The following TBXAS1 variants were observed in gnomAD, a reference collection of about 807,000 sequenced individuals.
The protein encoded by TBXAS1 is thromboxane-A synthase.
TBXAS1 carries 48 observed loss-of-function variants against 60.7 expected under a neutral mutation model. The ratio of observed to expected loss-of-function variants is 0.79; its 90% CI spans 0.63 to 1.01. The LOEUF is 1.01. TBXAS1 is among the 50% of genes least tolerant of loss of function. The probability of loss-of-function intolerance (pLI) is 0.00; values close to 1 mark genes in which losing one functional copy is unlikely to be tolerated. For missense variants in TBXAS1, 685 were observed against 686.3 expected (o/e 1.00, Z 0.02); for synonymous variants, 287 against 269.7 (o/e 1.06, Z -0.63).
At chr7:139,969,964 A>AGTGGCAACGGGCT (rs1179753622) in intron 9 of TBXAS1, among the ~76,000 whole-genome samples, 11 of 152,212 alleles carry the variant, frequency 7.2e-5, no homozygotes, top group Admixed American at 7.2e-4. Context: ...GCGTGAGAAA[A>AGTGGCAACGGGCT]GTGGCAACGG....
chr7:139,905,009 T>C (rs937299112), intron 3 of TBXAS1, among the ~76,000 whole-genome samples: 6 of 63,944 alleles, frequency 9.4e-5, no homozygotes, highest in East Asian at 3.9e-4. Context: ...CTTTCTCTCT[T>C]TCTTTCTTTC....
At chr7:139,987,178 C>T (rs1812553372) in intron 9 of TBXAS1, among the ~76,000 whole-genome samples, 1 of 152,028 alleles carries the variant, frequency 6.6e-6, no homozygotes, top group African/African-American at 2.4e-5. Context: ...CCAGTGTCAT[C>T]GGCCTGGGCA....
chr7:139,804,812 C>G (rs2041334), intron 4 of TBXAS1, among the ~76,000 whole-genome samples: 102,344 of 151,806 alleles, frequency 0.67, 35,791 homozygotes, highest in East Asian at 0.95. Context: ...AGGCCTCCCA[C>G]CCATGTGAAA....
chr7:139,984,722 A>AAAAGAAAG (rs1208735667), intron 9 of TBXAS1, among the ~76,000 whole-genome samples: 1 of 149,086 alleles, frequency 6.7e-6, no homozygotes. Context: ...GGAAGGAAGG[A>AAAAGAAAG]AAAGAAAGAA....
chr7:139,973,448 C>A (rs1811352263), intron 9 of TBXAS1, among the ~76,000 whole-genome samples: 1 of 152,056 alleles, frequency 6.6e-6, no homozygotes, highest in Admixed American at 6.5e-5. Context: ...AGGGGCCTTT[C>A]CAAAATGTGT....
At chr7:139,876,206 TC>T (rs1210023211) in intron 3 of TBXAS1, among the ~76,000 whole-genome samples, 5 of 152,206 alleles carry the variant, frequency 3.3e-5, no homozygotes, top group Admixed American at 6.5e-5. Context: ...GGGCATATGG[TC>T]ACCCTAGTTC....
Position 139,852,756 on chromosome 7 carries a change from G to A in TBXAS1, c.90-19479G>A, listed in dbSNP as rs930427312. On this transcript the variant is annotated intron_variant, in intron 1 of 12. Coordinates refer to ENST00000448866, the MANE Select transcript of TBXAS1 (RefSeq NM_001061.7). This position sits in a 1 kb window ranked among gnomAD's most constrained non-coding sequence, Gnocchi z 4.4. ...TTGGTATTTCCCAGGCCTTTTGGAC[G>A]GGTCATAGTGCAATAGAAAGGTGGA... Among the ~76,000 whole-genome samples, 2 of 152,036 alleles carry A rather than the reference G, an allele frequency of 1.3e-5. No individual in the cohort carries two copies. Among genetic ancestry groups the A allele is most frequent in the African/African-American group, 2.4e-5 (1 of 41,390 alleles).
At chr7:139,984,946 A>AAAAGTAAAGAAAG (rs1554503470) in intron 9 of TBXAS1, among the ~76,000 whole-genome samples, 7 of 141,900 alleles carry the variant, frequency 4.9e-5, no homozygotes, top group African/African-American at 1.8e-4. Flanking sequence ...GAAAGAAAAG[A>AAAAGTAAAGAAAG]AAAGAAAGAA....
At chr7:140,011,209 G>A (rs953750187) in intron 10 of TBXAS1, among the ~76,000 whole-genome samples, 5 of 151,724 alleles carry the variant, frequency 3.3e-5, no homozygotes, top group African/African-American at 9.7e-5. Context: ...TCTGGGAGGC[G>A]GAGGTTGCAG....
In TBXAS1 at chr7:139,914,657, T is replaced by C. The variant is rs539643962; in HGVS notation, c.333+3336T>C. Among the ~76,000 whole-genome samples the C allele has an allele frequency of 2.6e-5, 4 of 152,306 alleles. 1 individual carries two copies. Among genetic ancestry groups the C allele is most frequent in the Middle Eastern group, 6.8e-3 (2 of 294 alleles). The stretch of plus-strand genomic sequence containing the variant: ...GTTCTTCAAGACACTCCTCAGATAC[T>C]GCCTCCTCCAGGAAGCCTTCCCTGC... On this transcript the variant is annotated intron_variant, in intron 4 of 12. Coordinates refer to ENST00000448866, the MANE Select transcript of TBXAS1 (RefSeq NM_001061.7).
intron 8 of TBXAS1, among the ~76,000 whole-genome samples, chr7:139,961,605 G>A (rs967842291): frequency 3.3e-5 from 5 of 152,110 alleles, no homozygotes; most frequent in East Asian, 1.9e-4. Flanking sequence ...TTCCATGACC[G>A]GCTTTGTTTT....
rs183839921 is a variant in TBXAS1, at chr7:139,916,891, A to C, written c.333+5570A>C. ...GGGGCCCTTGGCAGACTTGCCATAAAACCGCCCCCCTTGAACTCATTCCTA... is the reference window on the plus strand; with the variant it reads ...GGGGCCCTTGGCAGACTTGCCATAACACCGCCCCCCTTGAACTCATTCCTA... On this transcript the variant is annotated intron_variant, in intron 4 of 12. Transcript: ENST00000448866. This position sits in a 1 kb window ranked among gnomAD's most constrained non-coding sequence, Gnocchi z 4.2. Among the ~76,000 whole-genome samples, 405 of 152,328 alleles carry C rather than the reference A, an allele frequency of 2.7e-3. 1 individual carries two copies. Among genetic ancestry groups the C allele is most frequent in the Admixed American group, 4.6e-3 (71 of 15,308 alleles).
chr7:139,937,658 C>T (rs1238248718), intron 5 of TBXAS1, among the ~76,000 whole-genome samples: 2 of 152,136 alleles, frequency 1.3e-5, no homozygotes, highest in African/African-American at 4.8e-5. Flanking sequence ...GAGATAAATA[C>T]CATCATCCTT....
At chr7:139,919,381 T>C (rs1806270238) in intron 4 of TBXAS1, among the ~76,000 whole-genome samples, 1 of 152,220 alleles carries the variant, frequency 6.6e-6, no homozygotes, top group Non-Finnish European at 1.5e-5. Context: ...GTACTCACAT[T>C]ACAACCACTG....
intron 4 of TBXAS1, among the ~76,000 whole-genome samples, chr7:139,918,839 C>A (rs1009757213): frequency 6.6e-6 from 1 of 152,120 alleles, no homozygotes; most frequent in Non-Finnish European, 1.5e-5. Context: ...TTCTCTCAGG[C>A]CAGTCACACT....
At chr7:139,950,680 ACCCCC>A (rs1809149294) in intron 5 of TBXAS1, among the ~76,000 whole-genome samples, 2 of 108,858 alleles carry the variant, frequency 1.8e-5, no homozygotes, top group African/African-American at 3.6e-5. Flanking sequence ...CATCTACGGG[ACCCCC>A]TCGCCCTCCA....
chr7:139,796,825 A>G (rs183706696), intron 4 of TBXAS1, among the ~76,000 whole-genome samples: 1 of 152,372 alleles, frequency 6.6e-6, no homozygotes, highest in Non-Finnish European at 1.5e-5. Flanking sequence ...TAAAAAAAGA[A>G]GAGAAGTTTC....
upstream of TBXAS1, among the ~76,000 whole-genome samples, chr7:139,828,593 C>T (rs1303577260): frequency 6.6e-6 from 1 of 152,202 alleles, no homozygotes; most frequent in Admixed American, 6.5e-5. Flanking sequence ...CTGTCTGAAG[C>T]TGCAATCTAG....
intron 4 of TBXAS1, among the ~76,000 whole-genome samples, chr7:139,914,598 CTCCACCTCT>C (rs1375246059): frequency 6.6e-6 from 1 of 152,124 alleles, no homozygotes; most frequent in African/African-American, 2.4e-5. Flanking sequence ...CAAGAAAACC[CTCCACCTCT>C]TCCACACCCA....
Sources: gnomAD v4.1 joint callset for allele counts (sites outside exome capture counted in the v4.1 genomes callset) on GRCh38, gnomAD v4.1.1 for gene constraint, Gnocchi (gnomAD v3.1) non-coding constraint, MANE v1.5 for transcripts, NCBI Gene and HGNC (gene_info 2026-07-23, HGNC 2026-07-21) for gene names.